Variants in CSNK1A1 observed in about 807,000 individuals in gnomAD.
CSNK1A1 encodes casein kinase I isoform alpha.
A neutral mutation model predicts 46.1 loss-of-function variants in CSNK1A1; 7 were observed. The ratio of observed to expected loss-of-function variants is 0.15; its 90% CI spans 0.09 to 0.29. The LOEUF is 0.29. Among genes scored for constraint, CSNK1A1 ranks in the 10% least tolerant of loss-of-function variants. CSNK1A1 has a pLI of 1.00. For missense variants in CSNK1A1, 96 were observed against 417.1 expected (o/e 0.23, Z 6.71); for synonymous variants, 137 against 141.5 (o/e 0.97, Z 0.23).
chr5:149,523,104 G>A (rs1036478245), intron 3 of CSNK1A1, among the ~76,000 whole-genome samples: 10 of 147,704 alleles, frequency 6.8e-5, no homozygotes, highest in African/African-American at 2.3e-4. Context: ...GCAGTGGTGC[G>A]ATCTCGGCTC....
rs369083605 is a variant in CSNK1A1, at chr5:149,513,150, G to A, written c.516C>T (p.His172=). The A allele has an allele frequency of 3.1e-6, 5 of 1,613,972 alleles. No homozygotes were observed. Among genetic ancestry groups the A allele is most frequent in the Non-Finnish European group, 4.2e-6 (5 of 1,179,984 alleles). Residue 172 remains histidine, a synonymous_variant, in exon 5 of 10, where the codon CAC becomes CAT. Coordinates refer to ENST00000377843, the MANE Select transcript of CSNK1A1 (RefSeq NM_001892.6). ...GGTTTTTATCTTCTCTGTATGGTAT[G>A]TGTTGCCTTGTCCTGTTGTCTCTGT... The part of the protein sequence containing the change: ...KKYRDNRTRQ[H]IPYREDKNLT...
rs1211464523 is a variant in CSNK1A1, at chr5:149,495,238, A to G, written c.*1615T>C. ...TAAAAAAAAGAAAAAAGAAAACAAA[A>G]CAAATTAAACTTGACACAATCTGAC... On this transcript the variant is annotated 3_prime_UTR_variant, in exon 10 of 10. Coordinates refer to ENST00000377843, the MANE Select transcript of CSNK1A1 (RefSeq NM_001892.6). 6.6e-6 allele frequency: 1 copy of G among 152,210 alleles called. No individual in the cohort carries two copies. Among genetic ancestry groups the G allele is most frequent in the Admixed American group, 6.5e-5 (1 of 15,280 alleles). 9.4% of individuals were successfully genotyped at this position (152,210 alleles called of 1,614,324 possible).
intron 2 of CSNK1A1, chr5:149,549,625 G>T (rs1762593485): frequency 1.5e-6 from 1 of 662,246 alleles, no homozygotes; most frequent in Non-Finnish European, 2.8e-6. Flanking sequence ...AGGAAGACAT[G>T]TTGGAACAAA....
chr5:149,500,873 G>A, intron 9 of CSNK1A1: 1 of 661,408 alleles, frequency 1.5e-6, no homozygotes, highest in Non-Finnish European at 1.9e-6. Context: ...ATTTAAAGTT[G>A]GGAAAGATAA....
chr5:149,505,331 G>T, intron 9 of CSNK1A1, 116 bp downstream of exon 9: 1 of 1,442,150 alleles, frequency 6.9e-7, no homozygotes, highest in South Asian at 1.6e-5. Context: ...TTAACGCAGA[G>T]CCAAATTTTT....
At chr5:149,500,692 G>T (rs1297720488) in intron 9 of CSNK1A1, among the ~76,000 whole-genome samples, 1 of 151,906 alleles carries the variant, frequency 6.6e-6, no homozygotes, top group Non-Finnish European at 1.5e-5. Flanking sequence ...CCTCAAAAAT[G>T]CTGGGATTAT....
At chr5:149,501,264 T>TAAA in intron 9 of CSNK1A1, 1 of 826,662 alleles carries the variant, frequency 1.2e-6, no homozygotes, top group Middle Eastern at 6.5e-4. Context: ...CTGTCCACAG[T>TAAA]AAAAAAAAAA....
At chr5:149,497,668 G>GT (rs1760696429) in intron 9 of CSNK1A1, 3 of 985,276 alleles carry the variant, frequency 3.0e-6, no homozygotes, top group South Asian at 9.4e-5. Context: ...CTTAAGCACC[G>GT]TTTTTCCTCT....
chr5:149,505,407 A>T, intron 9 of CSNK1A1, 40 bp downstream of exon 9: 1 of 1,585,586 alleles, frequency 6.3e-7, no homozygotes, highest in Non-Finnish European at 8.6e-7. Flanking sequence ...TTTGTATTCA[A>T]TTTTTTCCCT....
In CSNK1A1 at chr5:149,517,355, AG is replaced by A. The variant is rs1761433964; in HGVS notation, c.456+2934del. ...ACACTTACCTGAAGTTCCTTAGGGA[AG>A]GGGAAGAGAGGTGAGGTAGAATATA... On this transcript the variant is annotated intron_variant, in intron 4 of 9. Transcript: ENST00000377843. This position sits in a 1 kb window ranked among gnomAD's most constrained non-coding sequence, Gnocchi z 4.4. Among the ~76,000 whole-genome samples, 1 of 152,204 alleles carries A rather than the reference AG, an allele frequency of 6.6e-6. No individual in the cohort carries two copies. Among genetic ancestry groups the A allele is most frequent in the African/African-American group, 2.4e-5 (1 of 41,458 alleles).
intron 2 of CSNK1A1, among the ~76,000 whole-genome samples, chr5:149,539,676 C>A (rs1762171980): frequency 6.6e-6 from 1 of 151,782 alleles, no homozygotes; most frequent in Non-Finnish European, 1.5e-5. Context: ...TACGTCATAT[C>A]CCAATTTAAT....
intron 7 of CSNK1A1, among the ~76,000 whole-genome samples, chr5:149,507,464 C>CTT (rs572610497): frequency 2.0e-3 from 291 of 145,362 alleles, no homozygotes; most frequent in Non-Finnish European, 3.5e-3. Context: ...TCTTCGTGAA[C>CTT]TTTTTTTTTT....
At chr5:149,506,287 A>G (rs530335024) in intron 8 of CSNK1A1, among the ~76,000 whole-genome samples, 1 of 151,752 alleles carries the variant, frequency 6.6e-6, no homozygotes, top group African/African-American at 2.4e-5. Context: ...CCCAGGTTGG[A>G]GTGCACTGGG....
chr5:149,550,349 G>A lies in CSNK1A1; in HGVS notation c.124-168C>T, dbSNP rs1762616720. 4.2e-6 allele frequency: 6 copies of A among 1,424,028 alleles called. No individual in the cohort carries two copies. The South Asian group carries it at 9.1e-5, about 22-fold the overall frequency. The allele number at this position is 1,424,028 out of a possible 1,614,324, so 88.2% of individuals were successfully genotyped here. On this transcript the variant is annotated intron_variant, in intron 1 of 9. Coordinates refer to ENST00000377843, the MANE Select transcript of CSNK1A1 (RefSeq NM_001892.6). The surrounding 1 kb of genome is among the most constrained non-coding windows in gnomAD (Gnocchi z 4.3). ...TAAAACGAGGCAACCAGCCTCAAAG[G>A]CCTCTTCAGGGGGTAGTGACGAAAT...
intron 2 of CSNK1A1, among the ~76,000 whole-genome samples, chr5:149,543,750 A>G (rs1179242347): frequency 6.6e-6 from 1 of 152,008 alleles, no homozygotes; most frequent in Non-Finnish European, 1.5e-5. Flanking sequence ...CAGCTGGGAG[A>G]GGTGGTATTC....
chr5:149,531,518 CA>C (rs755448888), intron 2 of CSNK1A1, among the ~76,000 whole-genome samples: 13 of 121,234 alleles, frequency 1.1e-4, no homozygotes, highest in Non-Finnish European at 1.0e-4. Context: ...AACTCTGTCT[CA>C]AAAAAAAAAG....
chr5:149,532,319 C>T (rs1321677475), intron 2 of CSNK1A1, among the ~76,000 whole-genome samples: 1 of 151,768 alleles, frequency 6.6e-6, no homozygotes, highest in Admixed American at 6.6e-5. Context: ...TTCAGCCGGG[C>T]GGAGTGGCTC....
chr5:149,542,609 T>TAC (rs1561772107), intron 2 of CSNK1A1, among the ~76,000 whole-genome samples: 15 of 10,596 alleles, frequency 1.4e-3, no homozygotes, highest in African/African-American at 9.4e-3. Context: ...TATATATATA[T>TAC]ATATATATAT....
At chr5:149,503,573 T>G (rs1760938443) in intron 9 of CSNK1A1, 1 of 984,562 alleles carries the variant, frequency 1.0e-6, no homozygotes, top group Non-Finnish European at 1.2e-6. Context: ...TATAAAATTT[T>G]TAAAAGATTT....
Sources: gnomAD v4.1 joint callset for allele counts (sites outside exome capture counted in the v4.1 genomes callset) on GRCh38, gnomAD v4.1.1 for gene constraint, Gnocchi (gnomAD v3.1) non-coding constraint, MANE v1.5 for transcripts, NCBI Gene and HGNC (gene_info 2026-07-23, HGNC 2026-07-21) for gene names.